The following FAM186A variants were observed in gnomAD, a reference collection of about 807,000 sequenced individuals.
FAM186A encodes the protein protein FAM186A.
In FAM186A, 163 loss-of-function variants were observed where a neutral mutation model predicts 216.8. The ratio of observed to expected loss-of-function variants is 0.75; its 90% CI spans 0.66 to 0.86. The LOEUF is 0.86. FAM186A is among the 40% of genes least tolerant of loss of function. The pLI is 0.00. For synonymous variants in FAM186A, 805 were observed against 1,025.3 expected (o/e 0.79, Z 4.10); for missense variants, 2,184 against 2,746.2 (o/e 0.80, Z 4.58).
intron 1 of FAM186A, among the ~76,000 whole-genome samples, chr12:50,395,440 G>C (rs959985587): frequency 6.6e-6 from 1 of 151,986 alleles, no homozygotes; most frequent in African/African-American, 2.4e-5. Context: ...TTAATTGTTT[G>C]GGGGTCTATT....
intron 3 of FAM186A, among the ~76,000 whole-genome samples, chr12:50,358,889 C>T (rs1043968802): frequency 2.7e-4 from 40 of 148,650 alleles, no homozygotes; most frequent in African/African-American, 7.7e-4. Flanking sequence ...CACCACTGCA[C>T]TCCAACCTGG....
intron 3 of FAM186A, among the ~76,000 whole-genome samples, chr12:50,359,923 T>C (rs575890438): frequency 1.3e-5 from 2 of 152,220 alleles, no homozygotes; most frequent in Admixed American, 1.3e-4. Flanking sequence ...TGAGGGATCT[T>C]TTCGGGATAA....
chr12:50,359,664 TA>T (rs1488667430), intron 3 of FAM186A, among the ~76,000 whole-genome samples: 1 of 152,108 alleles, frequency 6.6e-6, no homozygotes, highest in Non-Finnish European at 1.5e-5. Context: ...GGTGAATGGG[TA>T]AACAAAATGT....
chr12:50,327,513 A>G, intron 7 of FAM186A, 109 bp from the exon 8 acceptor site: 1 of 731,282 alleles, frequency 1.4e-6, no homozygotes, highest in Non-Finnish European at 2.3e-6. Flanking sequence ...ACTCAAAAAG[A>G]TAAACTAGTA....
chr12:50,375,260 A>C (rs1430971598), intron 1 of FAM186A, among the ~76,000 whole-genome samples: 1 of 151,696 alleles, frequency 6.6e-6, no homozygotes, highest in Non-Finnish European at 1.5e-5. Flanking sequence ...TTACAAACTG[A>C]AATTTGGCCG....
Position 50,357,562 on chromosome 12 carries a change from TCAG to T in FAM186A, c.584-1317_584-1315del, listed in dbSNP as rs560720893. ...TTTGCAGAATGTCTGAGTGAGAAAA[TCAG>T]CAATCTTTTTCTTCCCAAAAGGCAA... On this transcript the variant is annotated intron_variant, in intron 3 of 7. Transcript: ENST00000327337. 2.6e-3 allele frequency among the ~76,000 whole-genome samples: 366 copies of T among 139,930 alleles called. 1 individual carries two copies. The highest frequency in any genetic ancestry group is 9.6e-3 in the African/African-American group (359 of 37,536). 91.8% of individuals were successfully genotyped at this position (139,930 alleles called of 152,430 possible).
intron 1 of FAM186A, 45 bp from the exon 2 acceptor site, chr12:50,363,409 A>G (rs1458854945): frequency 6.8e-7 from 1 of 1,472,496 alleles, no homozygotes; most frequent in East Asian, 2.5e-5. Context: ...CAGTTTGAAA[A>G]GAAGCTTTGG....
intron 1 of FAM186A, among the ~76,000 whole-genome samples, chr12:50,387,420 G>A (rs1835427701): frequency 6.6e-6 from 1 of 152,152 alleles, no homozygotes; most frequent in Admixed American, 6.6e-5. Flanking sequence ...TTTAGGACAC[G>A]AATACACACT....
intron 3 of FAM186A, among the ~76,000 whole-genome samples, chr12:50,359,798 C>CAA (rs1943014550): frequency 6.6e-6 from 1 of 152,122 alleles, no homozygotes; most frequent in Non-Finnish European, 1.5e-5. Context: ...TACCACAATA[C>CAA]AATATGATTC....
In FAM186A at chr12:50,354,395, T is replaced by C. The variant is rs1942949261; in HGVS notation, c.2437A>G (p.Lys813Glu). The C allele has an allele frequency of 1.3e-6, 2 of 1,551,604 alleles. No homozygotes were observed. Among genetic ancestry groups the C allele is most frequent in the African/African-American group, 1.4e-5 (1 of 73,172 alleles). Reference sequence around the variant, plus strand: ...TGTTTTTCCTTCTCCTTGTGGTCTTTCTGTACTGTTGAGACTGTTGGAATA... The same window carrying C: ...TGTTTTTCCTTCTCCTTGTGGTCTTCCTGTACTGTTGAGACTGTTGGAATA... ...RDIPTVSTVQ[K>E]DHKEKEKQRQ... The change falls in exon 4 of 8, where the codon AAA (lysine) becomes GAA (glutamate). Residue 813 changes from lysine (K) to glutamate (E), a missense_variant. This residue lies in a region of FAM186A where 1,132 missense variants were observed against 1,263.4 expected (regional missense o/e 0.90). Transcript: ENST00000327337.
At chr12:50,384,859 G>A (rs374460464) in intron 1 of FAM186A, among the ~76,000 whole-genome samples, 1 of 151,964 alleles carries the variant, frequency 6.6e-6, no homozygotes, top group East Asian at 1.9e-4. Context: ...AGGCTGGAGT[G>A]CATTGGCGCG....
intron 1 of FAM186A, among the ~76,000 whole-genome samples, chr12:50,387,662 T>TATTGCATAGTAATATTA (rs1943316732): frequency 6.6e-6 from 1 of 152,280 alleles, no homozygotes; most frequent in East Asian, 1.9e-4. Flanking sequence ...TTCACCCTAA[T>TATTGCATAGTAATATTA]ATTACTATGC....
chr12:50,329,059 G>T (rs1942631212), intron 7 of FAM186A, among the ~76,000 whole-genome samples: 1 of 152,172 alleles, frequency 6.6e-6, no homozygotes, highest in South Asian at 2.1e-4. Flanking sequence ...GGCAGAGGTT[G>T]CAGTGAGCCA....
At chr12:50,379,755 C>T (rs1457419119) in intron 1 of FAM186A, among the ~76,000 whole-genome samples, 1 of 151,668 alleles carries the variant, frequency 6.6e-6, no homozygotes, top group Non-Finnish European at 1.5e-5. Flanking sequence ...CATTGCACTC[C>T]AGCCTGGGCA....
At position 50,355,948 on chromosome 12, in the gene FAM186A, C is replaced by T. The variant is rs954273999; in HGVS notation, c.884G>A (p.Ser295Asn). ...QSSTVYAHET[S>N]EAEKELSLKI... Reference sequence around the variant, plus strand: ...CAGAGAGAGCTCCTTTTCTGCTTCACTTGTCTCATGTGCATACACAGTGGA... The same window carrying T: ...CAGAGAGAGCTCCTTTTCTGCTTCATTTGTCTCATGTGCATACACAGTGGA... The change falls in exon 4 of 8, where the codon AGT becomes AAT. Residue 295 changes from serine to asparagine, a missense_variant. By Grantham distance (46) the Ser-to-Asn change is conservative (BLOSUM62 1). This residue lies in a region of FAM186A where 1,132 missense variants were observed against 1,263.4 expected (regional missense o/e 0.90). Transcript: ENST00000327337. The T allele has an allele frequency of 6.4e-7, 1 of 1,551,568 alleles. No homozygotes were observed. The highest frequency in any genetic ancestry group is 1.4e-5 in the African/African-American group (1 of 73,166).
chr12:50,355,299 T>G lies in FAM186A; in HGVS notation c.1533A>C (p.Glu511Asp), dbSNP rs1228942557. The G allele has an allele frequency of 6.4e-7, 1 of 1,550,908 alleles. No homozygotes were observed. Among genetic ancestry groups the G allele is most frequent in the Admixed American group, 2.0e-5 (1 of 50,792 alleles). ...KKRKEMKSFS[E>D]DKSKSPTEAK... ...CTTCAGTGGGTGACTTTGATTTATC[T>G]TCAGAAAAGGATTTCATTTCTTTTC... Residue 511 changes from glutamate to aspartate, a missense_variant, in exon 4 of 8, where the codon GAA becomes GAC. Around this residue, in one of 7 missense-constraint regions of FAM186A, gnomAD observed 1,132 missense variants for 1,263.4 expected, o/e 0.90. Transcript: ENST00000327337.
At chr12:50,362,125 G>A (rs145376074) in intron 2 of FAM186A, among the ~76,000 whole-genome samples, 1,764 of 151,314 alleles carry the variant, frequency 0.012, 30 homozygotes, top group African/African-American at 0.039. Context: ...GGCATATGCC[G>A]CCACACCCAG....
intron 3 of FAM186A, among the ~76,000 whole-genome samples, chr12:50,359,028 G>T (rs912043108): frequency 1.3e-5 from 2 of 151,904 alleles, no homozygotes; most frequent in African/African-American, 2.4e-5. Flanking sequence ...CATGAAACAT[G>T]CTCAGCATCA....
chr12:50,369,399 G>A (rs948756252), intron 1 of FAM186A, among the ~76,000 whole-genome samples: 1 of 149,492 alleles, frequency 6.7e-6, no homozygotes, highest in Non-Finnish European at 1.5e-5. Flanking sequence ...GCTGAGGCAG[G>A]AGAATTACTT....
Sources: allele counts gnomAD v4.1 joint callset (sites outside exome capture counted in the v4.1 genomes callset), GRCh38; gene constraint gnomAD v4.1.1; regional missense constraint gnomAD v4.1.1; transcripts MANE v1.5; gene names NCBI Gene and HGNC (gene_info 2026-07-23, HGNC 2026-07-21).